The following COG4 variants were observed in gnomAD, a reference collection of about 807,000 sequenced individuals.
COG4 encodes conserved oligomeric Golgi complex subunit 4.
Under a neutral mutation model 95.1 loss-of-function variants are expected in COG4, and 65 were observed. That is an observed-to-expected ratio of 0.68 (90% CI 0.56 to 0.84). COG4 has a LOEUF of 0.84. Ranked by LOEUF, COG4 falls within the 40% of genes least tolerant of loss-of-function variation. COG4 has a pLI of 0.00. For synonymous variants in COG4, 421 were observed against 374.8 expected (o/e 1.12, Z -1.42); for missense variants, 1,045 against 989.1 (o/e 1.06, Z -0.76).
chr16:70,481,464 C>T lies in COG4; in HGVS notation c.2130G>A (p.Lys710=). ...GGTAGGCAATGAGCGACCTCAGCTCCTTGTCAAACTGCAGACCACCCAGCT... is the reference window on the plus strand; with the variant it reads ...GGTAGGCAATGAGCGACCTCAGCTCTTTGTCAAACTGCAGACCACCCAGCT... ...FNRLGGLQFD[K]ELRSLIAYLT... is the part of the protein sequence containing the mutation. The change falls in exon 18 of 19, where the codon AAG becomes AAA. Residue 710 remains lysine (K), a synonymous_variant. Coordinates refer to ENST00000323786, the MANE Select transcript of COG4 (RefSeq NM_015386.3). The T allele has an allele frequency of 6.2e-7, 1 of 1,612,610 alleles. No homozygotes were observed.
chr16:70,509,309 T>C lies in COG4; in HGVS notation c.924A>G (p.Lys308=), dbSNP rs767867464. Residue 308 remains lysine, a synonymous_variant, in exon 7 of 19, where the codon AAA becomes AAG. Coordinates refer to ENST00000323786, the MANE Select transcript of COG4 (RefSeq NM_015386.3). ...YGPGRLYTLI[K]YLQVECDRQV... ...GTCTGTCACATTCCACCTGCAGATA[T>C]TTGATCAGGGTATAGAGTCTCCCTG... 1 of 1,614,206 alleles carries C rather than the reference T, an allele frequency of 6.2e-7. No homozygotes were observed. The highest frequency in any genetic ancestry group is 8.5e-7 in the Non-Finnish European group (1 of 1,180,038).
intron 3 of COG4, among the ~76,000 whole-genome samples, chr16:70,515,384 GT>G (rs565147166): frequency 6.6e-6 from 1 of 151,812 alleles, no homozygotes; most frequent in African/African-American, 2.4e-5. Context: ...CACTATTAAG[GT>G]TTTTTTAGAA....
intron 14 of COG4, among the ~76,000 whole-genome samples, 184 bp from the exon 15 acceptor site, chr16:70,483,005 C>G (rs1440967216): frequency 9.1e-6 from 1 of 110,076 alleles, no homozygotes; most frequent in Non-Finnish European, 1.9e-5. Flanking sequence ...CTCTCCTCTC[C>G]CTACCCCTTC....
chr16:70,523,312 C>A, intron 1 of COG4, 61 bp downstream of exon 1: 2 of 1,596,548 alleles, frequency 1.3e-6, no homozygotes, highest in Middle Eastern at 1.7e-4. Flanking sequence ...CCGGATTTCC[C>A]GACTGAAGGC....
At chr16:70,501,506 C>G (rs1440158577) in intron 8 of COG4, 1 of 211,066 alleles carries the variant, frequency 4.7e-6, no homozygotes, top group Non-Finnish European at 9.7e-6. Context: ...AGGTGCCCAC[C>G]ACCATGCCCG....
intron 13 of COG4, among the ~76,000 whole-genome samples, chr16:70,485,226 GACAGTCTC>G (rs1356724127): frequency 7.2e-6 from 1 of 137,972 alleles, no homozygotes; most frequent in East Asian, 2.1e-4. Context: ...TTTTTTTTGA[GACAGTCTC>G]ACTCTGTCGC....
At chr16:70,496,201 C>T (rs2049335289) in intron 12 of COG4, 65 bp downstream of exon 12, 1 of 1,561,132 alleles carries the variant, frequency 6.4e-7, no homozygotes. Context: ...TATACTGTGG[C>T]TTAGCAGTGA....
At position 70,481,093 on chromosome 16, in the gene COG4, G is replaced by A. The variant is rs773762934; in HGVS notation, c.2287C>T (p.Arg763Cys). ...WGPNSGPLTWRLTPAEVRQVL... is the reference protein window; with the variant it reads ...WGPNSGPLTWCLTPAEVRQVL... The stretch of plus-strand genomic sequence containing the variant: ...TGGCGCACTTCAGCAGGGGTGAGGC[G>A]CCACGTCAATGGGCCGGAATTGGGT... Residue 763 changes from arginine (R) to cysteine (C), a missense_variant, in exon 19 of 19, where the codon CGC becomes TGC. Transcript: ENST00000323786. 11 of 1,613,352 alleles carry A rather than the reference G, an allele frequency of 6.8e-6. No homozygotes were observed. Among genetic ancestry groups the A allele is most frequent in the South Asian group, 4.4e-5 (4 of 91,090 alleles).
intron 13 of COG4, among the ~76,000 whole-genome samples, chr16:70,486,422 C>G (rs2049137268): frequency 6.6e-6 from 1 of 152,218 alleles, no homozygotes; most frequent in Non-Finnish European, 1.5e-5. Context: ...CTGACACTTA[C>G]TGTCTTTGAG....
chr16:70,503,730 G>A (rs988573801), intron 8 of COG4, among the ~76,000 whole-genome samples: 1 of 138,484 alleles, frequency 7.2e-6, no homozygotes, highest in Non-Finnish European at 1.5e-5. Flanking sequence ...GAGTAGCTGG[G>A]ACTACAGGCG....
intron 3 of COG4, chr16:70,515,860 G>C: frequency 2.8e-6 from 1 of 356,962 alleles, no homozygotes; most frequent in Middle Eastern, 3.9e-4. Flanking sequence ...TGTAGGACAG[G>C]GTCTTACTGT....
intron 10 of COG4, among the ~76,000 whole-genome samples, 155 bp from the exon 11 acceptor site, chr16:70,497,542 C>T (rs1288773514): frequency 1.3e-5 from 2 of 152,180 alleles, no homozygotes; most frequent in Admixed American, 1.3e-4. Context: ...AAATAGCTTA[C>T]TTCCCTATTG....
rs34329336 is a variant in COG4 at position 70,483,738 on chromosome 16, G to A, written c.1827+115C>T. On this transcript the variant is annotated intron_variant, in intron 14 of 18. Transcript: ENST00000323786. ...CACAACTCCAGGCTCCAGGGCTTGCGTGCTGCTCCCTCACCCGTCCTCCTG... is the reference window on the plus strand; with the variant it reads ...CACAACTCCAGGCTCCAGGGCTTGCATGCTGCTCCCTCACCCGTCCTCCTG... The A allele has an allele frequency of 0.069, 57,799 of 836,062 alleles. 2,378 individuals carry two copies. Among genetic ancestry groups the A allele is most frequent in the African/African-American group, 0.15 (8,944 of 60,262 alleles). 51.8% of individuals were successfully genotyped at this position (836,062 alleles called of 1,614,324 possible). A position where few individuals can be genotyped will look rare whatever the true frequency, so the allele number is the denominator to read the frequency against.
chr16:70,512,207 C>T (rs370017107), intron 5 of COG4, 32 bp downstream of exon 5: 2 of 1,606,740 alleles, frequency 1.2e-6, no homozygotes, highest in South Asian at 1.1e-5. Flanking sequence ...GACAGCCACA[C>T]AATTATCCTG....
chr16:70,507,405 C>A (rs34608864), intron 8 of COG4, among the ~76,000 whole-genome samples: 1 of 152,046 alleles, frequency 6.6e-6, no homozygotes, highest in African/African-American at 2.4e-5. Flanking sequence ...TACTTACCAT[C>A]GTGTTATAAT....
intron 8 of COG4, among the ~76,000 whole-genome samples, chr16:70,503,038 G>A (rs566612088): frequency 6.6e-6 from 1 of 152,098 alleles, no homozygotes; most frequent in Non-Finnish European, 1.5e-5. Context: ...TGAAGTCCAA[G>A]AGGTCTTTTC....
chr16:70,509,294 T>C lies in COG4; in HGVS notation c.939A>G (p.Glu313=). 1.2e-6 allele frequency: 2 copies of C among 1,614,202 alleles called. No homozygotes were observed. Among genetic ancestry groups the C allele is most frequent in the East Asian group, 2.2e-5 (1 of 44,882 alleles). The stretch of plus-strand genomic sequence containing the variant: ...CCACCTTCTCCACCTGTCTGTCACA[T>C]TCCACCTGCAGATATTTGATCAGGG... ...LYTLIKYLQV[E]CDRQVEKVVD... The change falls in exon 7 of 19, where the codon GAA becomes GAG. Residue 313 remains glutamate (E), a synonymous_variant. Transcript: ENST00000323786.
At chr16:70,511,968 A>G (rs1224616519) in intron 5 of COG4, among the ~76,000 whole-genome samples, 1 of 152,148 alleles carries the variant, frequency 6.6e-6, no homozygotes, top group South Asian at 2.1e-4. Context: ...TTGTCAGAGA[A>G]CTTGCATTTT....
rs1284522433 is a variant in COG4 at position 70,505,567 on chromosome 16, A to G, written c.1061+2839T>C. 1.1e-4 allele frequency among the ~76,000 whole-genome samples: 16 copies of G among 149,532 alleles called. No homozygotes were observed. The South Asian group carries it at 2.2e-3, about 20-fold the overall frequency. On this transcript the variant is annotated intron_variant, in intron 8 of 18. Transcript: ENST00000323786. ...AAGTAGGCTGGGTGCGGTGGCTCAC[A>G]CCTGTAATCCCAGCACTTTGGGAGG...
Sources: gnomAD v4.1 joint callset for allele counts (sites outside exome capture counted in the v4.1 genomes callset) on GRCh38, gnomAD v4.1.1 for gene constraint, MANE v1.5 for transcripts, NCBI Gene and HGNC (gene_info 2026-07-23, HGNC 2026-07-21) for gene names.